EFR3A: variants seen among roughly 807,000 people sequenced by gnomAD.
The protein encoded by EFR3A is protein EFR3 homolog A.
Under a neutral mutation model 104.4 loss-of-function variants are expected in EFR3A, and 76 were observed. The ratio of observed to expected loss-of-function variants is 0.73; its 90% CI spans 0.60 to 0.88. EFR3A has a LOEUF of 0.88. EFR3A is among the 40% of genes least tolerant of loss of function. The probability of loss-of-function intolerance (pLI) is 0.00; values close to 1 mark genes in which losing one functional copy is unlikely to be tolerated. For missense variants in EFR3A, 985 were observed against 1,012.5 expected (o/e 0.97, Z 0.37); for synonymous variants, 330 against 330.0 (o/e 1.00, Z 0.00).
chr8:132,001,870 T>C, intron 20 of EFR3A, 63 bp downstream of exon 20: 1 of 1,391,750 alleles, frequency 7.2e-7, no homozygotes, highest in Non-Finnish European at 1.0e-6. Context: ...GCTGCTTTTT[T>C]CGATGACAGA....
chr8:132,007,263 A>G (rs954324008), intron 22 of EFR3A, among the ~76,000 whole-genome samples: 1 of 152,004 alleles, frequency 6.6e-6, no homozygotes, highest in Admixed American at 6.6e-5. Flanking sequence ...ACCCTACTAG[A>G]GTTAATACAT....
chr8:131,949,620 A>G (rs1818599964), intron 4 of EFR3A, among the ~76,000 whole-genome samples: 1 of 152,130 alleles, frequency 6.6e-6, no homozygotes, highest in Admixed American at 6.6e-5. Context: ...CCTGGGCAAC[A>G]TAGCAAGACC....
chr8:131,969,760 CAT>C (rs1279260969), intron 9 of EFR3A, among the ~76,000 whole-genome samples: 1 of 152,082 alleles, frequency 6.6e-6, no homozygotes, highest in South Asian at 2.1e-4. Context: ...TGAAATAAAA[CAT>C]AGATGATACA....
chr8:132,013,036 C>T lies in EFR3A; in HGVS notation c.*2141C>T, dbSNP rs1000884541. 2.0e-5 allele frequency: 3 copies of T among 152,182 alleles called. No individual in the cohort carries two copies. Among genetic ancestry groups the T allele is most frequent in the African/African-American group, 7.2e-5 (3 of 41,448 alleles). The allele number at this position is 152,182 out of a possible 1,614,324, so 9.4% of individuals were successfully genotyped here. On this transcript the variant is annotated 3_prime_UTR_variant, in exon 23 of 23. Transcript: ENST00000254624. ...GATTCCCAAGAAATGGATCTTTTCA[C>T]TGGCTGACTCTCCCATATCTGCAAG...
chr8:131,911,663 T>G (rs1329125095), intron 1 of EFR3A, among the ~76,000 whole-genome samples: 2 of 152,204 alleles, frequency 1.3e-5, no homozygotes, highest in African/African-American at 4.8e-5. Flanking sequence ...GCCTTCAGAA[T>G]GAAGACCCAA....
At chr8:131,964,740 A>G (rs1360569544) in intron 8 of EFR3A, among the ~76,000 whole-genome samples, 1 of 152,200 alleles carries the variant, frequency 6.6e-6, no homozygotes, top group Non-Finnish European at 1.5e-5. Flanking sequence ...GGAACCAAAA[A>G]AAGAGCCCGC....
At position 131,949,944 on chromosome 8, in the gene EFR3A, A is replaced by T. The variant is rs1486804948; in HGVS notation, c.367-25A>T. 3 of 1,555,912 alleles carry T rather than the reference A, an allele frequency of 1.9e-6. No individual in the cohort carries two copies. The East Asian group carries it at 7.0e-5, about 36-fold the overall frequency. ...TTCACACTTCTGAAGAAGGTGAAGT[A>T]TATTATATTATTTGTGTTTTTTAGT... is the stretch of plus-strand genomic sequence containing the variant. On this transcript the variant is annotated intron_variant, in intron 4 of 22. Coordinates refer to ENST00000254624, the MANE Select transcript of EFR3A (RefSeq NM_015137.6).
intron 7 of EFR3A, among the ~76,000 whole-genome samples, chr8:131,958,277 A>G (rs1186701727): frequency 6.6e-6 from 1 of 152,208 alleles, no homozygotes; most frequent in Non-Finnish European, 1.5e-5. Flanking sequence ...TTTATTTTAT[A>G]TCTTCTGAGA....
chr8:131,909,470 C>G (rs1194605784), intron 1 of EFR3A, among the ~76,000 whole-genome samples: 2 of 152,014 alleles, frequency 1.3e-5, no homozygotes, highest in African/African-American at 4.8e-5. Context: ...TGTTTGAGCC[C>G]AGGAGGCTGA....
At chr8:132,010,297 C>A (rs945091673) in intron 22 of EFR3A, among the ~76,000 whole-genome samples, 1 of 150,706 alleles carries the variant, frequency 6.6e-6, no homozygotes, top group African/African-American at 2.4e-5. Flanking sequence ...AGGTGACAAT[C>A]AGTCGGAATA....
At chr8:131,928,099 G>A (rs1563632567) in intron 1 of EFR3A, among the ~76,000 whole-genome samples, 1 of 152,132 alleles carries the variant, frequency 6.6e-6, no homozygotes, top group South Asian at 2.1e-4. Context: ...CATACATGTT[G>A]CATTCCTGGC....
intron 22 of EFR3A, among the ~76,000 whole-genome samples, chr8:132,007,812 T>A (rs1478965824): frequency 6.6e-6 from 1 of 151,932 alleles, no homozygotes; most frequent in Non-Finnish European, 1.5e-5. Flanking sequence ...AAAACTTAAG[T>A]GATTTTTGAT....
At chr8:132,000,278 G>A (rs1821722411) in intron 19 of EFR3A, among the ~76,000 whole-genome samples, 2 of 152,042 alleles carry the variant, frequency 1.3e-5, no homozygotes, top group African/African-American at 2.4e-5. Flanking sequence ...ACAGGCGCCT[G>A]CCACCATGCC....
intron 19 of EFR3A, among the ~76,000 whole-genome samples, chr8:131,997,850 TAG>T (rs1210230198): frequency 6.6e-6 from 1 of 152,006 alleles, no homozygotes; most frequent in Non-Finnish European, 1.5e-5. Context: ...CAAAAATATA[TAG>T]AGAACACTTG....
At chr8:131,957,414 G>C (rs1819061707) in intron 7 of EFR3A, among the ~76,000 whole-genome samples, 1 of 146,054 alleles carries the variant, frequency 6.8e-6, no homozygotes, top group East Asian at 2.1e-4. Context: ...GCAATGGCAT[G>C]ATCTTGGCTC....
At chr8:131,935,450 T>C (rs28367317) in intron 1 of EFR3A, 2 of 419,478 alleles carry the variant, frequency 4.8e-6, no homozygotes, top group Admixed American at 2.7e-5. Flanking sequence ...GATAGAAATA[T>C]ATAATGAGGG....
Position 132,013,288 on chromosome 8 carries a change from G to A in EFR3A, c.*2393G>A, listed in dbSNP as rs1039977837. 6 of 152,502 alleles carry A rather than the reference G, an allele frequency of 3.9e-5. No individual in the cohort carries two copies. The highest frequency in any genetic ancestry group is 1.3e-4 in the Admixed American group (2 of 15,268). 9.4% of individuals were successfully genotyped at this position (152,502 alleles called of 1,614,324 possible). A position where few individuals can be genotyped will look rare whatever the true frequency, so the allele number is the denominator to read the frequency against. ...TCCTGTACTTGTGTTGTCTGTGACC[G>A]CTTATAGAGTTTTATTGTTATTGGT... is the stretch of plus-strand genomic sequence containing the variant. On this transcript the variant is annotated 3_prime_UTR_variant, in exon 23 of 23. Coordinates refer to ENST00000254624, the MANE Select transcript of EFR3A (RefSeq NM_015137.6).
chr8:132,006,082 A>G (rs13278882), intron 22 of EFR3A, among the ~76,000 whole-genome samples: 131,358 of 152,202 alleles, frequency 0.86, 56,808 homozygotes, highest in East Asian at 0.94. Flanking sequence ...GTAAGATGAA[A>G]CTAAAATCGT....
intron 2 of EFR3A, among the ~76,000 whole-genome samples, chr8:131,941,545 A>G (rs1818172053): frequency 6.6e-6 from 1 of 152,152 alleles, no homozygotes; most frequent in South Asian, 2.1e-4. Flanking sequence ...AATTTGTGGC[A>G]TATTAAAAAC....
Sources: gnomAD v4.1 joint callset for allele counts (sites outside exome capture counted in the v4.1 genomes callset) on GRCh38, gnomAD v4.1.1 for gene constraint, MANE v1.5 for transcripts, NCBI Gene and HGNC (gene_info 2026-07-23, HGNC 2026-07-21) for gene names.